HHAT: variants seen among roughly 807,000 people sequenced by gnomAD.
The protein encoded by HHAT is protein-cysteine N-palmitoyltransferase HHAT.
HHAT carries 47 observed loss-of-function variants against 70.8 expected under a neutral mutation model. The observed-to-expected ratio is 0.66, with a 90% confidence interval of 0.53 to 0.85. The LOEUF (loss-of-function observed/expected upper bound fraction) is 0.85, where lower values mean the gene tolerates loss of function less well. Among genes scored for constraint, HHAT ranks in the 40% least tolerant of loss-of-function variants. HHAT has a pLI of 0.00. For missense variants in HHAT, 609 were observed against 604.8 expected, an observed-to-expected ratio of 1.01 and a Z score of -0.07; for synonymous variants, 228 against 247.6, an observed-to-expected ratio of 0.92 and a Z score of 0.74.
intron 9 of HHAT, among the ~76,000 whole-genome samples, chr1:210,554,251 C>T (rs4845052): frequency 0.061 from 9,338 of 152,192 alleles, 612 homozygotes; most frequent in East Asian, 0.33. Flanking sequence ...GGTCTGTCAT[C>T]GTGCTAGGGG....
chr1:210,426,714 C>CT (rs2093073284), intron 7 of HHAT, among the ~76,000 whole-genome samples: 1 of 152,090 alleles, frequency 6.6e-6, no homozygotes, highest in Non-Finnish European at 1.5e-5. Flanking sequence ...GGTGGATAAG[C>CT]TTTTTAGTGT....
intron 1 of HHAT, among the ~76,000 whole-genome samples, chr1:210,343,492 AGT>A (rs1160892829): frequency 3.3e-5 from 5 of 152,062 alleles, no homozygotes; most frequent in African/African-American, 9.7e-5. Context: ...TTGAAAAGAG[AGT>A]GTGTGAGGAA....
chr1:210,417,114 T>C (rs567043552), intron 6 of HHAT, among the ~76,000 whole-genome samples: 16 of 152,340 alleles, frequency 1.1e-4, no homozygotes, highest in African/African-American at 3.6e-4. Flanking sequence ...CACTGAGCAC[T>C]ACACACATTG....
At chr1:210,341,448 G>T (rs1054424115) in intron 1 of HHAT, among the ~76,000 whole-genome samples, 1 of 152,214 alleles carries the variant, frequency 6.6e-6, no homozygotes, top group African/African-American at 2.4e-5. Context: ...CTTTGGCAAG[G>T]TGTGCTGTAC....
Position 210,603,170 on chromosome 1 carries a change from G to A in HHAT, c.1245+15071G>A, listed in dbSNP as rs375550788. ...AGACGGGTGTCCTGCTCCAATCATC[G>A]GCTGCTATCATGGCATTCTTATACC... On this transcript the variant is annotated intron_variant, in intron 10 of 11. Coordinates refer to ENST00000261458, the MANE Select transcript of HHAT (RefSeq NM_018194.6). 4.6e-5 allele frequency among the ~76,000 whole-genome samples: 7 copies of A among 152,152 alleles called. No homozygotes were observed. The East Asian group carries it at 7.7e-4, about 17-fold the overall frequency.
intron 8 of HHAT, among the ~76,000 whole-genome samples, chr1:210,504,675 C>T (rs1389878491): frequency 2.6e-5 from 4 of 152,156 alleles, no homozygotes; most frequent in Admixed American, 2.6e-4. Flanking sequence ...GATCTGATGG[C>T]AGACACACTT....
intron 4 of HHAT, among the ~76,000 whole-genome samples, chr1:210,389,575 T>G (rs950753314): frequency 6.6e-6 from 1 of 152,188 alleles, no homozygotes; most frequent in Admixed American, 6.5e-5. Context: ...TGTTTGAAAG[T>G]CTAGCACTCC....
At chr1:210,335,335 CTT>C (rs1387515424) in intron 1 of HHAT, among the ~76,000 whole-genome samples, 1 of 147,000 alleles carries the variant, frequency 6.8e-6, no homozygotes, top group Non-Finnish European at 1.5e-5. Flanking sequence ...AAAAAAGCCT[CTT>C]TGCAAGCTGG....
intron 7 of HHAT, chr1:210,462,280 C>A (rs1156234440): frequency 5.3e-5 from 8 of 152,212 alleles, no homozygotes; most frequent in Non-Finnish European, 1.2e-4. Flanking sequence ...TTGATACCTT[C>A]AGTTCTTCAG....
At chr1:210,374,057 T>C (rs2089873890) in intron 3 of HHAT, 1 of 152,210 alleles carries the variant, frequency 6.6e-6, no homozygotes, top group Non-Finnish European at 1.5e-5. Flanking sequence ...GCAAGTTCTG[T>C]TACACAATGT....
chr1:210,572,737 TAA>T (rs1247829606), intron 9 of HHAT, among the ~76,000 whole-genome samples: 2 of 150,612 alleles, frequency 1.3e-5, no homozygotes, highest in African/African-American at 4.9e-5. Context: ...CTAAAATATA[TAA>T]AAAAAAATGT....
intron 10 of HHAT, among the ~76,000 whole-genome samples, chr1:210,619,530 A>G (rs1414951736): frequency 2.0e-5 from 3 of 152,166 alleles, no homozygotes; most frequent in Admixed American, 6.5e-5. Flanking sequence ...TAATGCCCCC[A>G]TAGACCAAGC....
At chr1:210,480,978 AG>A (rs1368292350) in intron 8 of HHAT, among the ~76,000 whole-genome samples, 1 of 152,232 alleles carries the variant, frequency 6.6e-6, no homozygotes, top group Non-Finnish European at 1.5e-5. Flanking sequence ...CTGGGGATAT[AG>A]TAGTGAACAA....
intron 7 of HHAT, among the ~76,000 whole-genome samples, chr1:210,432,528 C>T (rs1171304044): frequency 6.6e-6 from 1 of 151,868 alleles, no homozygotes; most frequent in Non-Finnish European, 1.5e-5. Context: ...GACTAAAGAC[C>T]AGGGCTACAG....
At chr1:210,450,507 T>A (rs940213076) in intron 7 of HHAT, among the ~76,000 whole-genome samples, 5 of 151,932 alleles carry the variant, frequency 3.3e-5, no homozygotes, top group East Asian at 3.9e-4. Flanking sequence ...TTTAAAAAAA[T>A]TTTTTTTGAG....
rs749916241 is a variant in HHAT, at chr1:210,464,616, G to A, written c.968G>A (p.Arg323His). The A allele has an allele frequency of 1.3e-5, 21 of 1,613,952 alleles. No homozygotes were observed. The highest frequency in any genetic ancestry group is 2.2e-5 in the East Asian group (1 of 44,886). ...GGACTCACTCCACCCGCCCTCCCCC[G>A]CTGCGTGAGCACCATGTTCAGTTTC... ...LDGLTPPALPRCVSTMFSFTG... is the reference protein window; with the variant it reads ...LDGLTPPALPHCVSTMFSFTG... The change falls in exon 8 of 12, where the codon CGC becomes CAC. Residue 323 changes from arginine to histidine, a missense_variant. By Grantham distance (29) the Arg-to-His change is conservative (BLOSUM62 0). Coordinates refer to ENST00000261458, the MANE Select transcript of HHAT (RefSeq NM_018194.6).
At chr1:210,553,859 T>C (rs2490214) in intron 9 of HHAT, among the ~76,000 whole-genome samples, 133,985 of 151,994 alleles carry the variant, frequency 0.88, 59,687 homozygotes, top group Non-Finnish European at 0.95. Flanking sequence ...CCACCCCGAG[T>C]GTATCCACTT....
At chr1:210,443,519 C>G (rs1256396344) in intron 7 of HHAT, among the ~76,000 whole-genome samples, 1 of 122,186 alleles carries the variant, frequency 8.2e-6, no homozygotes, top group African/African-American at 3.1e-5. Context: ...CTTTTATTTC[C>G]TTGAGCAGTG....
At chr1:210,372,683 C>T (rs1219336396) in intron 3 of HHAT, among the ~76,000 whole-genome samples, 1 of 152,094 alleles carries the variant, frequency 6.6e-6, no homozygotes, top group Non-Finnish European at 1.5e-5. Context: ...AGTTACCCTT[C>T]TAGTCTGATT....
Sources: allele counts gnomAD v4.1 joint callset (sites outside exome capture counted in the v4.1 genomes callset), GRCh38; gene constraint gnomAD v4.1.1; transcripts MANE v1.5; gene names NCBI Gene and HGNC (gene_info 2026-07-23, HGNC 2026-07-21).